Variants in FREM2 observed in about 807,000 individuals in gnomAD.
FREM2 encodes FRAS1-related extracellular matrix protein 2.
FREM2 carries 119 observed loss-of-function variants against 219.9 expected under a neutral mutation model. The ratio of observed to expected loss-of-function variants is 0.54; its 90% confidence interval spans 0.47 to 0.63. The LOEUF (loss-of-function observed/expected upper bound fraction) is 0.63. FREM2 is among the 30% of genes least tolerant of loss of function. The pLI is 0.00. For missense variants in FREM2, 4,030 were observed against 3,993.6 expected (o/e 1.01, Z -0.25); for synonymous variants, 1,562 against 1,522.8 (o/e 1.03, Z -0.60).
At chr13:38,839,754 G>A (rs1876874049) in intron 6 of FREM2, among the ~76,000 whole-genome samples, 1 of 152,110 alleles carries the variant, frequency 6.6e-6, no homozygotes, top group Middle Eastern at 3.4e-3. Flanking sequence ...TTTTTACTCT[G>A]TGAGGGGAAA....
At chr13:38,729,785 A>G (rs1378153585) in intron 2 of FREM2, among the ~76,000 whole-genome samples, 1 of 152,190 alleles carries the variant, frequency 6.6e-6, no homozygotes, top group Non-Finnish European at 1.5e-5. Flanking sequence ...TCTAAGGTGC[A>G]TAATTAGAGT....
chr13:38,753,409 T>G (rs1338038117), intron 2 of FREM2, among the ~76,000 whole-genome samples: 1 of 152,204 alleles, frequency 6.6e-6, no homozygotes, highest in Non-Finnish European at 1.5e-5. Context: ...CTTTGTAATC[T>G]TATTCACATC....
rs562716725 is a variant in FREM2 at position 38,764,293 on chromosome 13, T to G, written c.5264-11T>G. On this transcript the variant is annotated splice_polypyrimidine_tract_variant and intron_variant, in intron 2 of 23. Transcript: ENST00000280481. ...AGCACTAATTTATGGCTTTAAATTT[T>G]TATTTTCAAGGTGGAAACAAGTTAA... is the stretch of plus-strand genomic sequence containing the variant. 24 of 1,606,296 alleles carry G rather than the reference T, an allele frequency of 1.5e-5. No individual in the cohort carries two copies. In the African/African-American group the frequency reaches 1.9e-4, roughly 13 times the overall value.
At chr13:38,814,908 C>A (rs1875701036) in intron 6 of FREM2, among the ~76,000 whole-genome samples, 1 of 152,180 alleles carries the variant, frequency 6.6e-6, no homozygotes, top group South Asian at 2.1e-4. Context: ...AGCCCAAGGG[C>A]TTTTCTCTTA....
intron 2 of FREM2, among the ~76,000 whole-genome samples, chr13:38,741,132 CAG>C (rs1872226086): frequency 6.6e-6 from 1 of 152,108 alleles, no homozygotes; most frequent in Non-Finnish European, 1.5e-5. Context: ...TCACATCAGA[CAG>C]AGTAATTGGC....
intron 2 of FREM2, among the ~76,000 whole-genome samples, chr13:38,729,673 T>G (rs1271947796): frequency 6.6e-6 from 1 of 152,206 alleles, no homozygotes; most frequent in Non-Finnish European, 1.5e-5. Flanking sequence ...GTGTGATATG[T>G]GTATTGAGGC....
intron 3 of FREM2, among the ~76,000 whole-genome samples, chr13:38,769,101 T>G (rs1185471813): frequency 6.6e-6 from 1 of 152,230 alleles, no homozygotes; most frequent in African/African-American, 2.4e-5. Context: ...ATTATTCCAC[T>G]TGGCCATTTA....
intron 2 of FREM2, among the ~76,000 whole-genome samples, chr13:38,758,323 C>A (rs1357491892): frequency 1.3e-5 from 2 of 152,200 alleles, no homozygotes; most frequent in Non-Finnish European, 2.9e-5. Flanking sequence ...TCCAGGAACG[C>A]CTTCCCCTCC....
chr13:38,862,763 A>G (rs1159225634), intron 15 of FREM2, among the ~76,000 whole-genome samples: 1 of 152,186 alleles, frequency 6.6e-6, no homozygotes, highest in Non-Finnish European at 1.5e-5. Flanking sequence ...ATGGTCTGCA[A>G]GCTAGGAATA....
chr13:38,720,596 T>C (rs1449531531), intron 2 of FREM2, among the ~76,000 whole-genome samples: 1 of 152,146 alleles, frequency 6.6e-6, no homozygotes, highest in East Asian at 1.9e-4. Context: ...CCTGAAAGCC[T>C]AAAGCTAGAC....
chr13:38,785,909 T>A, intron 6 of FREM2, among the ~76,000 whole-genome samples: 1 of 152,338 alleles, frequency 6.6e-6, no homozygotes, highest in Middle Eastern at 3.4e-3. Context: ...TTTCTGCCAT[T>A]TGTTTTTGGT....
rs116383837 is a variant in FREM2 at position 38,848,630 on chromosome 13, C to T, written c.6339C>T (p.Pro2113=). The change falls in exon 8 of 24, where the codon CCC becomes CCT. Residue 2113 remains proline, a synonymous_variant. Coordinates refer to ENST00000280481, the MANE Select transcript of FREM2 (RefSeq NM_207361.6). ...CTATGAACGCAGCCCTTGGCGAGCC[C>T]AGCAAAGCCACAGTGTCCATAAATG... ...RMPMNAALGE[P]SKATVSINDS... 2,688 of 1,613,890 alleles carry T rather than the reference C, an allele frequency of 1.7e-3. 39 individuals carry two copies. In the African/African-American group the frequency reaches 0.031, roughly 18 times the overall value.
chr13:38,742,980 C>T (rs1872310830), intron 2 of FREM2, among the ~76,000 whole-genome samples: 2 of 152,168 alleles, frequency 1.3e-5, no homozygotes, highest in South Asian at 4.1e-4. Context: ...ACTGTTAGCA[C>T]TTTATGGGTC....
chr13:38,805,007 A>G (rs1422590833), intron 6 of FREM2, among the ~76,000 whole-genome samples: 1 of 152,068 alleles, frequency 6.6e-6, no homozygotes, highest in Non-Finnish European at 1.5e-5. Context: ...TTTTTACCTG[A>G]ATTTCTTACC....
chr13:38,875,761 A>G (rs990869090), intron 18 of FREM2, among the ~76,000 whole-genome samples: 8 of 152,218 alleles, frequency 5.3e-5, no homozygotes, highest in African/African-American at 1.7e-4. Context: ...TGACAAAACT[A>G]TAGAGCAGAA....
intron 4 of FREM2, among the ~76,000 whole-genome samples, chr13:38,776,263 G>A (rs1873866183): frequency 6.6e-6 from 1 of 152,152 alleles, no homozygotes. Flanking sequence ...GTTTTTGAAT[G>A]TGCCAAATTT....
At chr13:38,692,773 A>G (rs904920702) in intron 1 of FREM2, among the ~76,000 whole-genome samples, 2 of 152,188 alleles carry the variant, frequency 1.3e-5, no homozygotes, top group African/African-American at 2.4e-5. Context: ...CAGGAGGTGA[A>G]CTTTGGTGAA....
intron 6 of FREM2, among the ~76,000 whole-genome samples, chr13:38,843,055 G>C (rs1424860350): frequency 6.6e-6 from 1 of 152,078 alleles, no homozygotes; most frequent in African/African-American, 2.4e-5. Flanking sequence ...ACCCTCACTA[G>C]GCCAATTCAA....
At chr13:38,725,162 A>G (rs1388905515) in intron 2 of FREM2, among the ~76,000 whole-genome samples, 2 of 152,226 alleles carry the variant, frequency 1.3e-5, no homozygotes, top group Non-Finnish European at 2.9e-5. Context: ...CAGTGCATAC[A>G]CAGAAATTTA....
Sources: allele counts gnomAD v4.1 joint callset (sites outside exome capture counted in the v4.1 genomes callset), GRCh38; gene constraint gnomAD v4.1.1; transcripts MANE v1.5; gene names NCBI Gene and HGNC (gene_info 2026-07-23, HGNC 2026-07-21).